Variants in THSD4 observed in about 807,000 individuals in gnomAD.
THSD4 encodes the protein thrombospondin type-1 domain-containing protein 4.
THSD4 carries 69 observed loss-of-function variants against 119.0 expected under a neutral mutation model. The observed-to-expected ratio is 0.58, with a 90% CI of 0.48 to 0.71. The LOEUF (loss-of-function observed/expected upper bound fraction) is 0.71, where lower values mean the gene tolerates loss of function less well. Among genes scored for constraint, THSD4 ranks in the 30% least tolerant of loss-of-function variants. The pLI, the probability that THSD4 is intolerant of heterozygous loss-of-function variation, is 0.00. For missense variants in THSD4, 1,393 were observed against 1,391.1 expected, an observed-to-expected ratio of 1.00 and a Z score of -0.02; for synonymous variants, 524 against 540.4, an observed-to-expected ratio of 0.97 and a Z score of 0.42.
chr15:71,764,836 C>G (rs190290725), intron 15 of THSD4, among the ~76,000 whole-genome samples, 184 bp from the exon 16 acceptor site: 1 of 152,356 alleles, frequency 6.6e-6, no homozygotes, highest in Admixed American at 6.5e-5. Flanking sequence ...GGAGACAGAA[C>G]TGTTAGGAAA....
intron 6 of THSD4, among the ~76,000 whole-genome samples, chr15:71,409,642 G>A (rs1286292604): frequency 6.6e-6 from 1 of 152,150 alleles, no homozygotes; most frequent in Non-Finnish European, 1.5e-5. Context: ...GTATCTAGAC[G>A]ATGCAGTCTT....
At chr15:71,727,365 G>A (rs2052862825) in intron 8 of THSD4, among the ~76,000 whole-genome samples, 1 of 151,472 alleles carries the variant, frequency 6.6e-6, no homozygotes, top group Non-Finnish European at 1.5e-5. Context: ...CTTTAGCTTT[G>A]CCACTTGTAG....
chr15:71,229,997 G>A (rs2044047551), intron 4 of THSD4, among the ~76,000 whole-genome samples: 2 of 152,198 alleles, frequency 1.3e-5, no homozygotes, highest in Admixed American at 6.5e-5. Context: ...TGCTCAAGAA[G>A]TGTAGTTGTG....
At chr15:71,348,042 T>C (rs1390517068) in intron 6 of THSD4, 2 of 152,274 alleles carry the variant, frequency 1.3e-5, no homozygotes, top group South Asian at 2.1e-4. Flanking sequence ...GGGAACAGAG[T>C]GTTTGAAACT....
intron 3 of THSD4, among the ~76,000 whole-genome samples, chr15:71,192,391 T>C (rs1207558512): frequency 6.6e-6 from 1 of 152,124 alleles, no homozygotes; most frequent in African/African-American, 2.4e-5. Context: ...CAAGTGATTC[T>C]CTTGCCTCAA....
chr15:71,770,330 AATATG>A (rs1428216292), intron 16 of THSD4, among the ~76,000 whole-genome samples: 3 of 133,018 alleles, frequency 2.3e-5, no homozygotes, highest in Non-Finnish European at 3.2e-5. Context: ...TGTATGAATA[AATATG>A]ATATGTCCTT....
chr15:71,443,694 C>CAT (rs3086688), intron 7 of THSD4, among the ~76,000 whole-genome samples: 128,371 of 152,008 alleles, frequency 0.84, 54,777 homozygotes, highest in Non-Finnish European at 0.91. Flanking sequence ...AAAATTTCCA[C>CAT]GTTGCGCTTT....
At chr15:71,707,265 C>G (rs188495842) in intron 8 of THSD4, among the ~76,000 whole-genome samples, 2 of 152,280 alleles carry the variant, frequency 1.3e-5, no homozygotes, top group South Asian at 4.1e-4. Flanking sequence ...GAAGCCCACA[C>G]GAGTTGGTCA....
At chr15:71,654,724 T>C (rs1196842649) in intron 7 of THSD4, among the ~76,000 whole-genome samples, 1 of 152,228 alleles carries the variant, frequency 6.6e-6, no homozygotes. Context: ...AGTAAATTGG[T>C]GTCAGCTACT....
Position 71,115,580 on chromosome 15 carries a change from G to C in THSD4, c.-198G>C, listed in dbSNP as rs2040351590. On this transcript the variant is annotated 5_prime_UTR_variant, in exon 1 of 18. Transcript: ENST00000261862. This position sits in a 1 kb window ranked among gnomAD's most constrained non-coding sequence, Gnocchi z 4.4. ...GCCCGTGCAGGGCGGGCGCGGGGCG[G>C]CTGGGCGGCGGTGGCGGCCGTCCAT... 1 of 149,300 alleles carries C rather than the reference G, an allele frequency of 6.7e-6. No homozygotes were observed. Among genetic ancestry groups the C allele is most frequent in the Admixed American group, 6.7e-5 (1 of 14,988 alleles). 9.2% of individuals were successfully genotyped at this position (149,300 alleles called of 1,614,324 possible). A position where few individuals can be genotyped will look rare whatever the true frequency, so the allele number is the denominator to read the frequency against.
At chr15:71,265,526 G>A (rs1448779144) in intron 6 of THSD4, among the ~76,000 whole-genome samples, 1 of 152,160 alleles carries the variant, frequency 6.6e-6, no homozygotes, top group Non-Finnish European at 1.5e-5. Flanking sequence ...AAACTGGGTG[G>A]TCATTTGGGC....
chr15:71,250,972 C>T (rs1489348653), intron 5 of THSD4, among the ~76,000 whole-genome samples: 1 of 152,030 alleles, frequency 6.6e-6, no homozygotes, highest in Non-Finnish European at 1.5e-5. Flanking sequence ...TAAAACAAAA[C>T]AAAACAAAAC....
intron 7 of THSD4, among the ~76,000 whole-genome samples, chr15:71,442,660 G>GTATATATATATATATA (rs71154772): frequency 1.6e-4 from 4 of 25,796 alleles, no homozygotes; most frequent in African/African-American, 3.2e-4. Flanking sequence ...GTGTGTGTGT[G>GTATATATATATATATA]TATATATATA....
chr15:71,144,804 G>A (rs985182545), intron 2 of THSD4, among the ~76,000 whole-genome samples: 1 of 152,158 alleles, frequency 6.6e-6, no homozygotes, highest in Admixed American at 6.5e-5. Context: ...TCTAACTCTC[G>A]ATGGATCTGG....
chr15:71,097,221 C>T (rs1431705243), intron 1 of THSD4, among the ~76,000 whole-genome samples: 2 of 152,158 alleles, frequency 1.3e-5, no homozygotes, highest in Non-Finnish European at 2.9e-5. Context: ...TAAACCAGAT[C>T]AACCTGGCAG....
At chr15:71,573,408 T>G (rs1186452948) in intron 7 of THSD4, among the ~76,000 whole-genome samples, 1 of 152,160 alleles carries the variant, frequency 6.6e-6, no homozygotes, top group Non-Finnish European at 1.5e-5. Flanking sequence ...GAAACTTCAT[T>G]TTTTAGTGAA....
At chr15:71,514,206 G>A (rs990212293) in intron 7 of THSD4, among the ~76,000 whole-genome samples, 1 of 152,288 alleles carries the variant, frequency 6.6e-6, no homozygotes. Context: ...AAGGAAGGCA[G>A]GTAAGGTATC....
chr15:71,534,611 TACTC>T (rs1209642737), intron 7 of THSD4, among the ~76,000 whole-genome samples: 14 of 152,256 alleles, frequency 9.2e-5, no homozygotes, highest in Non-Finnish European at 1.6e-4. Flanking sequence ...AAGAATGTGA[TACTC>T]ACCTTTTATG....
intron 6 of THSD4, among the ~76,000 whole-genome samples, chr15:71,312,193 T>C (rs1168070089): frequency 6.6e-6 from 1 of 152,110 alleles, no homozygotes. Context: ...AAAGAGGTAA[T>C]TGAGGCCGTC....
Sources: gnomAD v4.1 joint callset for allele counts (sites outside exome capture counted in the v4.1 genomes callset) on GRCh38, gnomAD v4.1.1 for gene constraint, Gnocchi (gnomAD v3.1) non-coding constraint, MANE v1.5 for transcripts, NCBI Gene and HGNC (gene_info 2026-07-23, HGNC 2026-07-21) for gene names.